The following ACTR3 variants were observed in gnomAD, a reference collection of about 807,000 sequenced individuals.
The protein encoded by ACTR3 is actin-related protein 3.
In ACTR3, 12 loss-of-function variants were observed where a neutral mutation model predicts 56.8. The observed-to-expected ratio is 0.21, with a 90% CI of 0.14 to 0.34. The LOEUF (loss-of-function observed/expected upper bound fraction) is 0.34. Ranked by LOEUF, ACTR3 falls within the 10% of genes least tolerant of loss-of-function variation. The pLI is 1.00. For synonymous variants in ACTR3, 162 were observed against 167.4 expected (o/e 0.97, Z 0.25); for missense variants, 282 against 512.5 (o/e 0.55, Z 4.34).
intron 3 of ACTR3, among the ~76,000 whole-genome samples, chr2:113,919,519 G>C (rs1158034487): frequency 6.6e-6 from 1 of 151,402 alleles, no homozygotes; most frequent in Non-Finnish European, 1.5e-5. Flanking sequence ...ACTTTTTTTT[G>C]TTGTAAATGG....
intron 8 of ACTR3, among the ~76,000 whole-genome samples, chr2:113,945,789 C>G (rs540137879): frequency 3.3e-4 from 50 of 152,276 alleles, no homozygotes; most frequent in Non-Finnish European, 4.7e-4. Context: ...TCCTCTCCCT[C>G]TTCCCACTCT....
chr2:113,890,179 A>G lies in ACTR3; in HGVS notation c.-101A>G. On this transcript the variant is annotated 5_prime_UTR_variant, in exon 1 of 12. Coordinates refer to ENST00000263238, the MANE Select transcript of ACTR3 (RefSeq NM_005721.5). Reference sequence around the variant, plus strand: ...ACCCCCCGGACGGTGAAGGCGGCCCAGCTGTGGATGGTCAGATAGCCCTTG... The same window carrying G: ...ACCCCCCGGACGGTGAAGGCGGCCCGGCTGTGGATGGTCAGATAGCCCTTG... The G allele has an allele frequency of 2.0e-6, 3 of 1,481,872 alleles. No individual in the cohort carries two copies. Among genetic ancestry groups the G allele is most frequent in the Non-Finnish European group, 2.8e-6 (3 of 1,085,532 alleles). 91.8% of individuals were successfully genotyped at this position (1,481,872 alleles called of 1,614,324 possible).
At chr2:113,951,284 T>A in intron 8 of ACTR3, 195 bp from the exon 9 acceptor site, 1 of 475,286 alleles carries the variant, frequency 2.1e-6, no homozygotes, top group Non-Finnish European at 3.9e-6. Context: ...ATTCTGATAG[T>A]TATAAAATGG....
intron 10 of ACTR3, 171 bp downstream of exon 10, chr2:113,952,016 A>G: frequency 2.2e-6 from 2 of 889,614 alleles, no homozygotes; most frequent in South Asian, 2.2e-5. Context: ...GGATCATTTG[A>G]TTCTTCTAGG....
intron 6 of ACTR3, among the ~76,000 whole-genome samples, chr2:113,938,697 A>G (rs1679871301): frequency 6.6e-6 from 1 of 152,102 alleles, no homozygotes; most frequent in South Asian, 2.1e-4. Flanking sequence ...CCTTTCTCTC[A>G]CCTTGATGGT....
intron 1 of ACTR3, chr2:113,904,445 T>C (rs761139762): frequency 6.6e-6 from 1 of 152,212 alleles, no homozygotes; most frequent in Non-Finnish European, 1.5e-5. Context: ...GTTCTTCCTA[T>C]GTGAAGTAAT....
chr2:113,932,644 C>A (rs1028669258), intron 5 of ACTR3, among the ~76,000 whole-genome samples: 3 of 152,124 alleles, frequency 2.0e-5, no homozygotes, highest in African/African-American at 7.2e-5. Context: ...TAGTTTGGGA[C>A]CGTAACTGTT....
intron 1 of ACTR3, among the ~76,000 whole-genome samples, chr2:113,910,421 T>TC (rs1437231081): frequency 1.3e-5 from 2 of 152,310 alleles, no homozygotes; most frequent in East Asian, 3.9e-4. Flanking sequence ...AATGTGTTTC[T>TC]CTGAGTTTTG....
chr2:113,953,075 T>C (rs1250742179), intron 10 of ACTR3: 1 of 152,240 alleles, frequency 6.6e-6, no homozygotes, highest in Non-Finnish European at 1.5e-5. Flanking sequence ...CCTAATGGTA[T>C]GGTTATGGAT....
chr2:113,931,430 T>G, intron 5 of ACTR3, 34 bp downstream of exon 5: 1 of 1,438,048 alleles, frequency 7.0e-7, no homozygotes, highest in South Asian at 1.4e-5. Context: ...GTTTGATTCT[T>G]ACATTTTAAC....
rs1680235725 is a variant in ACTR3, at chr2:113,957,416, C to T, written c.1218C>T (p.Ser406=). Residue 406 remains serine, a synonymous_variant, in exon 12 of 12, where the codon AGC becomes AGT. Coordinates refer to ENST00000263238, the MANE Select transcript of ACTR3 (RefSeq NM_005721.5). The part of the protein sequence containing the change: ...TKKDYEEIGP[S]ICRHNPVFGV... ...AGGATTATGAAGAAATTGGACCTAG[C>T]ATTTGTCGTCACAATCCAGTGTTTG... 1.9e-5 allele frequency: 31 copies of T among 1,613,382 alleles called. No homozygotes were observed. The highest frequency in any genetic ancestry group is 2.6e-5 in the Non-Finnish European group (31 of 1,179,576).
At chr2:113,898,513 T>C (rs562327824) in intron 1 of ACTR3, among the ~76,000 whole-genome samples, 49 of 152,308 alleles carry the variant, frequency 3.2e-4, no homozygotes, top group East Asian at 1.5e-3. Flanking sequence ...ATGTATTTTA[T>C]TTATAGTTAA....
chr2:113,892,434 T>C (rs1450041027), intron 1 of ACTR3, among the ~76,000 whole-genome samples: 1 of 152,224 alleles, frequency 6.6e-6, no homozygotes, highest in East Asian at 1.9e-4. Flanking sequence ...CCTCACTCTC[T>C]TTTACCATTT....
chr2:113,919,698 C>CA (rs1247807308), intron 3 of ACTR3, among the ~76,000 whole-genome samples: 3 of 151,936 alleles, frequency 2.0e-5, no homozygotes, highest in Admixed American at 6.6e-5. Flanking sequence ...CTTATTTATC[C>CA]CTTATCTGCT....
rs1482473586 is a variant in ACTR3, at chr2:113,961,481, T to C, written c.*4026T>C. 2 of 152,056 alleles carry C rather than the reference T, an allele frequency of 1.3e-5. No individual in the cohort carries two copies. Among genetic ancestry groups the C allele is most frequent in the Non-Finnish European group, 2.9e-5 (2 of 67,912 alleles). The allele number at this position is 152,056 out of a possible 1,614,324, so 9.4% of individuals were successfully genotyped here. On this transcript the variant is annotated 3_prime_UTR_variant, in exon 12 of 12. Coordinates refer to ENST00000263238, the MANE Select transcript of ACTR3 (RefSeq NM_005721.5). Reference sequence around the variant, plus strand: ...CGATATTCTATTTTGATTTAGCAATTACTTGTTTTCTAGTGTTCTGTCAAT... The same window carrying C: ...CGATATTCTATTTTGATTTAGCAATCACTTGTTTTCTAGTGTTCTGTCAAT...
intron 1 of ACTR3, among the ~76,000 whole-genome samples, chr2:113,910,822 C>A (rs1006986821): frequency 6.6e-6 from 1 of 152,112 alleles, no homozygotes; most frequent in Non-Finnish European, 1.5e-5. Context: ...ATTGGAAATA[C>A]TGTTTTGTCC....
chr2:113,948,720 C>T (rs747424496), intron 8 of ACTR3, among the ~76,000 whole-genome samples: 1 of 152,048 alleles, frequency 6.6e-6, no homozygotes, highest in East Asian at 1.9e-4. Context: ...TTGCTTAGTG[C>T]TAAAATAATT....
intron 7 of ACTR3, among the ~76,000 whole-genome samples, chr2:113,940,664 T>C (rs552776390): frequency 2.6e-5 from 4 of 152,082 alleles, no homozygotes; most frequent in African/African-American, 7.2e-5. Context: ...TTCAAACTTA[T>C]TATTTGCCAC....
chr2:113,901,037 T>C (rs557880138), intron 1 of ACTR3, among the ~76,000 whole-genome samples: 1 of 152,364 alleles, frequency 6.6e-6, no homozygotes, highest in African/African-American at 2.4e-5. Flanking sequence ...TAAAAGTTTC[T>C]GGCTGGGCAC....
Sources: gnomAD v4.1 joint callset for allele counts (sites outside exome capture counted in the v4.1 genomes callset) on GRCh38, gnomAD v4.1.1 for gene constraint, MANE v1.5 for transcripts, NCBI Gene and HGNC (gene_info 2026-07-23, HGNC 2026-07-21) for gene names.